Variants in NLRP14 observed in about 807,000 individuals in gnomAD.
NLRP14 encodes NACHT, LRR and PYD domains-containing protein 14.
A neutral mutation model predicts 94.7 loss-of-function variants in NLRP14; 105 were observed. That is an observed-to-expected ratio of 1.11 (90% confidence interval 0.95 to 1.30). The LOEUF is 1.30. NLRP14 is among the 50% of genes most tolerant of loss of function. The probability of loss-of-function intolerance (pLI) is 0.00; values close to 1 mark genes in which losing one functional copy is unlikely to be tolerated. For synonymous variants in NLRP14, 508 were observed against 459.9 expected, an observed-to-expected ratio of 1.10 and a Z score of -1.34; for missense variants, 1,362 against 1,254.1, an observed-to-expected ratio of 1.09 and a Z score of -1.30.
At position 7,070,496 on chromosome 11, in the gene NLRP14, A is replaced by G. The variant is rs747719540; in HGVS notation, c.3146+40A>G. The G allele has an allele frequency of 7.3e-5, 108 of 1,480,134 alleles. No homozygotes were observed. The East Asian group carries it at 2.4e-3, about 32-fold the overall frequency. The allele number at this position is 1,480,134 out of a possible 1,614,324, so 91.7% of individuals were successfully genotyped here. A position where few individuals can be genotyped will look rare whatever the true frequency, so the allele number is the denominator to read the frequency against. ...GCTTCTCAGGGGGAGCATTTCCTAT[A>G]ATGAGGGATTTGGGGAGCCACTCAT... On this transcript the variant is annotated intron_variant, in intron 11 of 11. Coordinates refer to ENST00000299481, the MANE Select transcript of NLRP14 (RefSeq NM_176822.4).
chr11:7,030,534 C>T (rs1414988350), intron 1 of NLRP14, among the ~76,000 whole-genome samples: 1 of 151,844 alleles, frequency 6.6e-6, no homozygotes, highest in African/African-American at 2.4e-5. Context: ...TCACCCCCAG[C>T]GCTGTATTCC....
At chr11:7,090,169 T>G in the NLRP14 span, 3 of 1,613,834 alleles carry the variant, frequency 1.9e-6, no homozygotes, top group East Asian at 2.2e-5. Flanking sequence ...GATCGTGGGC[T>G]CTCTCTGTCC....
intron 1 of NLRP14, among the ~76,000 whole-genome samples, chr11:7,030,866 G>A (rs144341775): frequency 7.9e-5 from 12 of 152,322 alleles, no homozygotes; most frequent in Admixed American, 5.9e-4. Context: ...GAGGAAGGAC[G>A]TGCGCCCACA....
chr11:7,058,590 A>G, intron 8 of NLRP14, 140 bp downstream of exon 8: 1 of 688,056 alleles, frequency 1.5e-6, no homozygotes, highest in Non-Finnish European at 2.5e-6. Flanking sequence ...TGATATTAAT[A>G]ATTGCCATTT....
At chr11:7,029,070 T>C (rs1173967728) in intron 1 of NLRP14, among the ~76,000 whole-genome samples, 1 of 152,188 alleles carries the variant, frequency 6.6e-6, no homozygotes, top group Non-Finnish European at 1.5e-5. Context: ...TACCAGAGAA[T>C]TGATATGTTC....
At chr11:7,086,577 A>C in the NLRP14 span, among the ~76,000 whole-genome samples, 1 of 152,270 alleles carries the variant, frequency 6.6e-6, no homozygotes, top group African/African-American at 2.4e-5. Context: ...GTAGGGAAAC[A>C]TTCCCCAGTC....
At position 7,042,812 on chromosome 11, in the gene NLRP14, T is replaced by C; in HGVS notation, c.786T>C (p.Asp262=). The part of the protein sequence containing the change: ...SSLLFIIDSF[D]ELNFAFEEPE... The stretch of plus-strand genomic sequence containing the variant: ...TCTTGTTTATTATTGACAGTTTCGA[T>C]GAACTGAACTTTGCCTTTGAAGAAC... The change falls in exon 4 of 12, where the codon GAT becomes GAC. Residue 262 remains aspartate, a synonymous_variant. Transcript: ENST00000299481. 1.2e-6 allele frequency: 2 copies of C among 1,614,230 alleles called. No homozygotes were observed. Among genetic ancestry groups the C allele is most frequent in the Non-Finnish European group, 1.7e-6 (2 of 1,180,038 alleles).
chr11:7,043,256 A>G lies in NLRP14; in HGVS notation c.1230A>G (p.Pro410=), dbSNP rs767967350. ...GCTATATTTCTAGCTTGTTCACACCAGTAGATGGAGGCTCTCCTAGTCTAC... is the reference window on the plus strand; with the variant it reads ...GCTATATTTCTAGCTTGTTCACACCGGTAGATGGAGGCTCTCCTAGTCTAC... ...FTCYISSLFT[P]VDGGSPSLPN... is the part of the protein sequence containing the mutation. Residue 410 remains proline, a synonymous_variant, in exon 4 of 12, where the codon CCA becomes CCG. Coordinates refer to ENST00000299481, the MANE Select transcript of NLRP14 (RefSeq NM_176822.4). 12 of 1,614,038 alleles carry G rather than the reference A, an allele frequency of 7.4e-6. No homozygotes were observed. In the African/African-American group the frequency reaches 1.2e-4, roughly 16 times the overall value.
At position 7,042,682 on chromosome 11, in the gene NLRP14, G is replaced by A. The variant is rs1852277282; in HGVS notation, c.656G>A (p.Arg219Lys). The A allele has an allele frequency of 6.2e-7, 1 of 1,614,094 alleles. No homozygotes were observed. The change falls in exon 4 of 12, where the codon AGA becomes AAA. Residue 219 changes from arginine to lysine, a missense_variant. By Grantham distance (26) the Arg-to-Lys change is conservative. Coordinates refer to ENST00000299481, the MANE Select transcript of NLRP14 (RefSeq NM_176822.4). ...RFKYVFYLNG[R>K]EINQLKERSF... ...AAGTATGTTTTTTATCTCAATGGGA[G>A]AGAAATTAACCAGCTGAAAGAGAGA...
At position 7,049,842 on chromosome 11, in the gene NLRP14, A is replaced by G; in HGVS notation, c.2291+4A>G. The G allele has an allele frequency of 1.2e-6, 2 of 1,611,258 alleles. No individual in the cohort carries two copies. The highest frequency in any genetic ancestry group is 1.7e-6 in the Non-Finnish European group (2 of 1,177,476). ...AGTGTAAACTACAGACTCTCAGGTA[A>G]GCTTTGAATTGTTTTGTCTTGTTTT... On this transcript the variant is annotated splice_donor_region_variant and intron_variant, in intron 6 of 11. Coordinates refer to ENST00000299481, the MANE Select transcript of NLRP14 (RefSeq NM_176822.4).
At chr11:7,060,408 G>A (rs1852598765) in intron 9 of NLRP14, among the ~76,000 whole-genome samples, 1 of 151,788 alleles carries the variant, frequency 6.6e-6, no homozygotes, top group Non-Finnish European at 1.5e-5. Context: ...TTTTCTCTTA[G>A]ATTTATATTT....
rs1376443265 is a variant in NLRP14 at position 7,062,513 on chromosome 11, T to C, written c.2975+10T>C. The C allele has an allele frequency of 1.2e-6, 2 of 1,611,368 alleles. No individual in the cohort carries two copies. Among genetic ancestry groups the C allele is most frequent in the East Asian group, 2.2e-5 (1 of 44,848 alleles). Reference sequence around the variant, plus strand: ...ACATTCAGAGGCTCGGGTGAGTTCATAGTTTTCCATTAGGAAAATGATGCC... The same window carrying C: ...ACATTCAGAGGCTCGGGTGAGTTCACAGTTTTCCATTAGGAAAATGATGCC... On this transcript the variant is annotated intron_variant, in intron 10 of 11. Coordinates refer to ENST00000299481, the MANE Select transcript of NLRP14 (RefSeq NM_176822.4).
intron 1 of NLRP14, among the ~76,000 whole-genome samples, chr11:7,035,381 A>G (rs1852147268): frequency 6.6e-6 from 1 of 152,290 alleles, no homozygotes; most frequent in Middle Eastern, 3.4e-3. Context: ...AGTTTTTTCA[A>G]CTGGGGGGAA....
chr11:7,077,636 C>CT, the NLRP14 span, among the ~76,000 whole-genome samples: 18 of 152,348 alleles, frequency 1.2e-4, no homozygotes, highest in Admixed American at 3.3e-4. Context: ...TTCCATGTGG[C>CT]TGGGGAAGCC....
chr11:7,059,605 C>G (rs1852581121), intron 8 of NLRP14, among the ~76,000 whole-genome samples: 1 of 151,968 alleles, frequency 6.6e-6, no homozygotes, highest in African/African-American at 2.4e-5. Context: ...GCCTGTTCTT[C>G]TAGTCCATGG....
At chr11:7,024,541 G>T (rs140178901) in intron 1 of NLRP14, among the ~76,000 whole-genome samples, 2,035 of 152,164 alleles carry the variant, frequency 0.013, 38 homozygotes, top group Non-Finnish European at 0.016. Flanking sequence ...TCACTTGCTG[G>T]CCATAAAGCA....
the NLRP14 span, among the ~76,000 whole-genome samples, chr11:7,082,239 A>G: frequency 6.6e-6 from 1 of 152,224 alleles, no homozygotes; most frequent in Non-Finnish European, 1.5e-5. Context: ...GTATAGGAAT[A>G]GGAGGCTTTT....
At chr11:7,080,588 G>A in the NLRP14 span, among the ~76,000 whole-genome samples, 4 of 152,100 alleles carry the variant, frequency 2.6e-5, 1 homozygote, top group African/African-American at 9.7e-5. Context: ...AGTACTTCCT[G>A]TTTACTCCCT....
intron 1 of NLRP14, among the ~76,000 whole-genome samples, chr11:7,027,374 CT>C (rs1852031209): frequency 2.0e-5 from 3 of 152,032 alleles, no homozygotes; most frequent in Non-Finnish European, 2.9e-5. Context: ...GGGCCACTTC[CT>C]GGTTGATTTA....
Sources: allele counts gnomAD v4.1 joint callset (sites outside exome capture counted in the v4.1 genomes callset), GRCh38; gene constraint gnomAD v4.1.1; transcripts MANE v1.5; gene names NCBI Gene and HGNC (gene_info 2026-07-23, HGNC 2026-07-21).